ADAMTS13: variants seen among roughly 807,000 people sequenced by gnomAD.
ADAMTS13 encodes the protein ADAM metallopeptidase with thrombospondin type 1 motif 13.
Under a neutral mutation model 155.1 loss-of-function variants are expected in ADAMTS13, and 110 were observed. The observed-to-expected ratio is 0.71, with a 90% CI of 0.61 to 0.83. ADAMTS13 has a LOEUF of 0.83. Ranked by LOEUF, ADAMTS13 falls within the 40% of genes least tolerant of loss-of-function variation. The pLI is 0.00. For missense variants in ADAMTS13, 1,707 were observed against 1,891.7 expected, an observed-to-expected ratio of 0.90 and a Z score of 1.81; for synonymous variants, 758 against 756.4, an observed-to-expected ratio of 1.00 and a Z score of -0.03.
Position 133,428,888 on chromosome 9 carries a change from C to T in ADAMTS13, c.824+117C>T, listed in dbSNP as rs1464110685. Reference sequence around the variant, plus strand: ...CATTCAGCCCTCCTTCCTGTCCCACCCCTCCGTCCAACCCACCCCTCCGTC... The same window carrying T: ...CATTCAGCCCTCCTTCCTGTCCCACTCCTCCGTCCAACCCACCCCTCCGTC... On this transcript the variant is annotated intron_variant, in intron 7 of 28. Coordinates refer to ENST00000355699, the MANE Select transcript of ADAMTS13 (RefSeq NM_139027.6). 1.7e-5 allele frequency: 19 copies of T among 1,100,744 alleles called. No individual in the cohort carries two copies. The South Asian group carries it at 3.1e-4, about 18-fold the overall frequency. 68.2% of individuals were successfully genotyped at this position (1,100,744 alleles called of 1,614,324 possible).
upstream of ADAMTS13, among the ~76,000 whole-genome samples, chr9:133,417,432 C>T (rs1447557036): frequency 6.6e-6 from 1 of 152,270 alleles, no homozygotes; most frequent in Non-Finnish European, 1.5e-5. Flanking sequence ...ATTCTTTCAT[C>T]AATTTCTTTC....
At chr9:133,455,923 C>T (rs1842715314) in intron 25 of ADAMTS13, 146 bp from the exon 26 acceptor site, 23 of 1,075,910 alleles carry the variant, frequency 2.1e-5, no homozygotes, top group Non-Finnish European at 2.6e-5. Flanking sequence ...AGCCCCCCTC[C>T]CTGTCCTGAG....
intron 23 of ADAMTS13, among the ~76,000 whole-genome samples, chr9:133,453,119 T>C (rs1223377395): frequency 5.3e-5 from 8 of 151,516 alleles, no homozygotes; most frequent in Non-Finnish European, 2.9e-5. Flanking sequence ...CTGGGCAACA[T>C]AGTGAGACCC....
At chr9:133,416,439 C>T (rs1258562478) in intron 1 of ADAMTS13, among the ~76,000 whole-genome samples, 1 of 152,186 alleles carries the variant, frequency 6.6e-6, no homozygotes, top group Non-Finnish European at 1.5e-5. Flanking sequence ...ACTTGAACTC[C>T]TGAGCTCAAG....
At chr9:133,439,583 C>G in intron 15 of ADAMTS13, 137 bp downstream of exon 15, 1 of 771,690 alleles carries the variant, frequency 1.3e-6, no homozygotes, top group Admixed American at 1.9e-5. Flanking sequence ...TGATAGTTGA[C>G]TAGGAAGACT....
chr9:133,443,366 C>A lies in ADAMTS13; in HGVS notation c.2235-10C>A. On this transcript the variant is annotated splice_polypyrimidine_tract_variant and intron_variant, in intron 18 of 28. Transcript: ENST00000355699. ...TGGCCAGGGTCCCGACGCTCTGTCT[C>A]CTTCCTCAGCTGGGCGGTGGGAGAC... 6.3e-7 allele frequency: 1 copy of A among 1,592,064 alleles called. No individual in the cohort carries two copies. Among genetic ancestry groups the A allele is most frequent in the Non-Finnish European group, 8.5e-7 (1 of 1,175,496 alleles).
intron 11 of ADAMTS13, among the ~76,000 whole-genome samples, chr9:133,434,095 C>T (rs1316760612): frequency 6.9e-6 from 1 of 144,554 alleles, no homozygotes; most frequent in Non-Finnish European, 1.5e-5. Flanking sequence ...GACTCTGTCT[C>T]AAAAAAAAAA....
intron 1 of ADAMTS13, chr9:133,414,757 C>G: frequency 6.2e-7 from 1 of 1,614,134 alleles, no homozygotes; most frequent in South Asian, 1.1e-5. Context: ...TTGTCCTTTC[C>G]TTGGTTCCTT....
chr9:133,429,947 G>T lies in ADAMTS13; in HGVS notation c.833G>T (p.Arg278Leu). 5.2e-6 allele frequency: 8 copies of T among 1,535,310 alleles called. 1 individual carries two copies. The highest frequency in any genetic ancestry group is 7.0e-6 in the Non-Finnish European group (8 of 1,145,442). ...GCCGGGCCTTGTCGCAGCGCAGGAC[G>T]GGCGCGCTGCGTGTGGGACCCGCCG... Reference protein sequence around the residue: ...RQLLSLLSAGRARCVWDPPRP... With the variant: ...RQLLSLLSAGLARCVWDPPRP... Residue 278 changes from arginine (R) to leucine (L), a missense_variant, in exon 8 of 29, where the codon CGG (arginine) becomes CTG (leucine). This residue lies in a region of ADAMTS13 where 733 missense variants were observed against 749.6 expected (regional missense o/e 0.98). Transcript: ENST00000355699.
At position 133,455,096 on chromosome 9, in the gene ADAMTS13, C is replaced by T. The variant is rs41305513; in HGVS notation, c.3250-189C>T. On this transcript the variant is annotated intron_variant, in intron 24 of 28. Coordinates refer to ENST00000355699, the MANE Select transcript of ADAMTS13 (RefSeq NM_139027.6). Reference sequence around the variant, plus strand: ...GGGACCCAGACTTGAATTATGGCTCCTCCCACCTATATGACCCATGCAAGG... The same window carrying T: ...GGGACCCAGACTTGAATTATGGCTCTTCCCACCTATATGACCCATGCAAGG... Among the ~76,000 whole-genome samples, 967 of 152,284 alleles carry T rather than the reference C, an allele frequency of 6.3e-3. 7 individuals carry two copies. The highest frequency in any genetic ancestry group is 1.0e-2 in the Non-Finnish European group (677 of 68,002).
intron 6 of ADAMTS13, 33 bp from the exon 7 acceptor site, chr9:133,428,600 GC>G: frequency 1.1e-6 from 1 of 876,830 alleles, no homozygotes; most frequent in Middle Eastern, 5.0e-4. Flanking sequence ...GCCCCTGCCG[GC>G]CGCCTTAGCG....
At chr9:133,435,226 C>T (rs587608600) in intron 11 of ADAMTS13, among the ~76,000 whole-genome samples, 2 of 141,802 alleles carry the variant, frequency 1.4e-5, no homozygotes, top group East Asian at 2.1e-4. Flanking sequence ...CTTGCTCTGT[C>T]GCCAGGCTGG....
Position 133,454,517 on chromosome 9 carries a change from G to C in ADAMTS13, c.3147G>C (p.Glu1049Asp). Residue 1049 changes from glutamate (E) to aspartate (D), a missense_variant, in exon 24 of 29, where the codon GAG (glutamate) becomes GAC (aspartate). By Grantham distance (45) the Glu-to-Asp change is conservative (BLOSUM62 2). Around this residue, in one of 3 missense-constraint regions of ADAMTS13, gnomAD observed 961 missense variants for 1,107.9 expected, o/e 0.87. Coordinates refer to ENST00000355699, the MANE Select transcript of ADAMTS13 (RefSeq NM_139027.6). ...AGCTCGACCAAGGCCAGGACGTGGA[G>C]GTGGACGAGGCGGCCTGTGCGGCGC... ...CVQLDQGQDV[E>D]VDEAACAALV... The C allele has an allele frequency of 1.2e-6, 2 of 1,611,706 alleles. No homozygotes were observed. Among genetic ancestry groups the C allele is most frequent in the Non-Finnish European group, 1.7e-6 (2 of 1,179,990 alleles).
At chr9:133,454,786 G>A (rs1262507422) in intron 24 of ADAMTS13, among the ~76,000 whole-genome samples, 167 bp downstream of exon 24, 1 of 152,238 alleles carries the variant, frequency 6.6e-6, no homozygotes, top group African/African-American at 2.4e-5. Flanking sequence ...GAGACAGAGG[G>A]CCTAGAGACC....
intron 1 of ADAMTS13, 23 bp downstream of exon 1, chr9:133,422,571 G>T (rs781957921): frequency 6.2e-7 from 1 of 1,612,502 alleles, no homozygotes; most frequent in Non-Finnish European, 8.5e-7. Context: ...GCAGGAGCGG[G>T]GGTATTCTGG....
At chr9:133,449,093 T>A (rs1184246693) in intron 22 of ADAMTS13, among the ~76,000 whole-genome samples, 1 of 152,168 alleles carries the variant, frequency 6.6e-6, no homozygotes, top group Non-Finnish European at 1.5e-5. Context: ...TGGGGGAGTT[T>A]AATGAAAGGA....
At chr9:133,421,010 A>G (rs3118666), upstream of ADAMTS13, among the ~76,000 whole-genome samples, 50,275 of 152,202 alleles carry the variant, frequency 0.33, 8,956 homozygotes, top group South Asian at 0.45. Flanking sequence ...TCATGCCTGT[A>G]ATCCCAGCAC....
intron 18 of ADAMTS13, 88 bp from the exon 19 acceptor site, chr9:133,443,288 C>T (rs587595453): frequency 4.3e-5 from 63 of 1,479,526 alleles, no homozygotes; most frequent in African/African-American, 2.8e-4. Context: ...TGTCCCAGAC[C>T]GGGGGAGTAC....
Position 133,445,582 on chromosome 9 carries a change from C to G in ADAMTS13, c.2611-117C>G. 6.5e-7 allele frequency: 1 copy of G among 1,528,096 alleles called. No individual in the cohort carries two copies. Among genetic ancestry groups the G allele is most frequent in the Non-Finnish European group, 9.0e-7 (1 of 1,113,516 alleles). The allele number at this position is 1,528,096 out of a possible 1,614,324, so 94.7% of individuals were successfully genotyped here. A position where few individuals can be genotyped will look rare whatever the true frequency, so the allele number is the denominator to read the frequency against. On this transcript the variant is annotated intron_variant, in intron 20 of 28. Coordinates refer to ENST00000355699, the MANE Select transcript of ADAMTS13 (RefSeq NM_139027.6). The surrounding 1 kb of genome is among the most constrained non-coding windows in gnomAD (Gnocchi z 5.0). ...CGCCAAGGGAGGAGGGGAGGGAGCC[C>G]CTGGTGCACACACGCCACTTCCTGG...
Sources: gnomAD v4.1 joint callset for allele counts (sites outside exome capture counted in the v4.1 genomes callset) on GRCh38, gnomAD v4.1.1 for gene constraint, gnomAD v4.1.1 regional missense constraint, Gnocchi (gnomAD v3.1) non-coding constraint, MANE v1.5 for transcripts, NCBI Gene and HGNC (gene_info 2026-07-23, HGNC 2026-07-21) for gene names.